MYH7B: variants seen among roughly 807,000 people sequenced by gnomAD.
MYH7B encodes the protein myosin heavy chain 7B.
Under a neutral mutation model 234.5 loss-of-function variants are expected in MYH7B, and 205 were observed. The observed-to-expected ratio is 0.87, with a 90% CI of 0.78 to 0.98. The LOEUF is 0.98. MYH7B is among the 50% of genes least tolerant of loss of function. The pLI is 0.00. For missense variants in MYH7B, 2,652 were observed against 2,633.4 expected (o/e 1.01, Z -0.15); for synonymous variants, 1,193 against 1,105.0 (o/e 1.08, Z -1.58).
intron 2 of MYH7B, among the ~76,000 whole-genome samples, chr20:34,963,571 A>T (rs2081717189): frequency 1.3e-5 from 2 of 152,190 alleles, no homozygotes; most frequent in Admixed American, 1.3e-4. Context: ...TGAAGCACAT[A>T]TTTTAAAATT....
Position 34,972,949 on chromosome 20 carries a change from A to AT in MYH7B, c.-221-2444dup, listed in dbSNP as rs534368229. On this transcript the variant is annotated intron_variant, in intron 2 of 44. Transcript: ENST00000262873. ...ATCATGCCTGGTTAATTTTAAAAATATTTTTTTGTAGAGATGTCACAGGGA... is the reference window on the plus strand; with the variant it reads ...ATCATGCCTGGTTAATTTTAAAAATATTTTTTTTGTAGAGATGTCACAGGGA... Among the ~76,000 whole-genome samples the AT allele has an allele frequency of 9.8e-5, 15 of 152,292 alleles. No homozygotes were observed. In the East Asian group the frequency reaches 2.7e-3, roughly 27 times the overall value.
At chr20:34,980,157 G>GT (rs2081921297) in intron 7 of MYH7B, 1 of 377,118 alleles carries the variant, frequency 2.7e-6, no homozygotes, top group Non-Finnish European at 4.9e-6. Flanking sequence ...AGGGTGTGGT[G>GT]TGGCAAGTCA....
At position 35,000,506 on chromosome 20, in the gene MYH7B, C is replaced by T. The variant is rs148157021; in HGVS notation, c.4995C>T (p.Asp1665=). The T allele has an allele frequency of 6.4e-5, 102 of 1,596,890 alleles. No homozygotes were observed. The highest frequency in any genetic ancestry group is 2.5e-4 in the East Asian group (11 of 44,702). The change falls in exon 39 of 45, where the codon GAC becomes GAT. Residue 1665 remains aspartate (D), a synonymous_variant. Coordinates refer to ENST00000262873, the Ensembl canonical transcript of MYH7B. ...TCAAGGAGGAGCAGGCAGGGCGGGA[C>T]GAGGAGCAGCGGCTGGCAGCTGAGC...
intron 19 of MYH7B, among the ~76,000 whole-genome samples, chr20:34,988,544 C>G (rs553423123): frequency 3.5e-4 from 53 of 152,182 alleles, no homozygotes; most frequent in Non-Finnish European, 2.9e-5. Context: ...GACAACAGCT[C>G]CTCCTGGGTG....
intron 1 of MYH7B, among the ~76,000 whole-genome samples, chr20:34,957,111 T>C (rs2081645520): frequency 6.6e-6 from 1 of 152,150 alleles, no homozygotes; most frequent in Non-Finnish European, 1.5e-5. Flanking sequence ...TCGGCTTGTT[T>C]TACAGACACT....
intron 16 of MYH7B, 96 bp from the exon 17 acceptor site, chr20:34,987,461 T>C (rs1341994787): frequency 7.0e-7 from 1 of 1,421,280 alleles, no homozygotes; most frequent in African/African-American, 1.4e-5. Flanking sequence ...ACTTGACCCC[T>C]CTTAACTTCC....
At chr20:34,965,405 G>A (rs954483801) in intron 2 of MYH7B, among the ~76,000 whole-genome samples, 5 of 152,220 alleles carry the variant, frequency 3.3e-5, no homozygotes, top group African/African-American at 4.8e-5. Flanking sequence ...GCCTGAGGGC[G>A]CAGCAGGGAG....
exon 27 of MYH7B, chr20:34,994,167 G>C (rs1306142698): frequency 3.7e-6 from 6 of 1,613,366 alleles, no homozygotes; most frequent in Non-Finnish European, 5.1e-6. Flanking sequence ...TCACCATCCA[G>C]TGGAACATCC....
chr20:34,990,472 C>T (rs763353252), intron 22 of MYH7B, 162 bp downstream of exon 22: 1 of 942,336 alleles, frequency 1.1e-6, no homozygotes, highest in Non-Finnish European at 1.8e-6. Context: ...GTGCTGCTTC[C>T]CGTCCCTACG....
intron 38 of MYH7B, 33 bp from the exon 39 acceptor site, chr20:35,000,260 G>A (rs370410658): frequency 6.2e-5 from 95 of 1,539,462 alleles, no homozygotes; most frequent in Admixed American, 1.3e-4. Context: ...ATGCCCTTAC[G>A]AGACCCCCTT....
In MYH7B at chr20:34,990,023, A is replaced by G. The variant is rs753584006; in HGVS notation, c.1777A>G (p.Ser593Gly). 3 of 1,614,056 alleles carry G rather than the reference A, an allele frequency of 1.9e-6. No individual in the cohort carries two copies. In the South Asian group the frequency reaches 3.3e-5, roughly 18 times the overall value. ...TGACTTGTCTCTCCAGGTGCCTTAC[A>G]GCATTGTGGGCTGGCTGGAGAAAAA... The change falls in exon 21 of 45, where the codon AGC (serine) becomes GGC (glycine). Residue 593 changes from serine (S) to glycine (G), a missense_variant. By Grantham distance (56) the Ser-to-Gly change is moderately conservative. Around this residue, in one of 3 missense-constraint regions of MYH7B, gnomAD observed 2,279 missense variants for 2,211.4 expected, o/e 1.03. Coordinates refer to ENST00000262873, the Ensembl canonical transcript of MYH7B.
At chr20:34,974,552 C>A (rs1213677031) in intron 2 of MYH7B, among the ~76,000 whole-genome samples, 1 of 152,112 alleles carries the variant, frequency 6.6e-6, no homozygotes, top group African/African-American at 2.4e-5. Context: ...TTCTCAGCCC[C>A]AGGTTCATAC....
exon 36 of MYH7B, chr20:34,999,273 A>G (rs2082323177): frequency 6.3e-7 from 1 of 1,596,382 alleles, no homozygotes; most frequent in African/African-American, 1.3e-5. Context: ...GGAGGAGGAG[A>G]TGCAGCGGGA....
At position 34,993,470 on chromosome 20, in the gene MYH7B, G is replaced by C. The variant is rs746389682; in HGVS notation, c.2444G>C (p.Arg815Thr). 4 of 1,592,662 alleles carry C rather than the reference G, an allele frequency of 2.5e-6. No homozygotes were observed. The South Asian group carries it at 3.4e-5, about 13-fold the overall frequency. The change falls in exon 26 of 45, where the codon AGG (arginine) becomes ACG (threonine). Residue 815 changes from arginine (R) to threonine (T), a missense_variant and splice_region_variant. By Grantham distance (71) the Arg-to-Thr change is moderately conservative. Coordinates refer to ENST00000262873, the Ensembl canonical transcript of MYH7B. The stretch of plus-strand genomic sequence containing the variant: ...GAGTACCAGCGCCTGCTGGGAGGCA[G>C]GTGGGTGTGGGAAGGAGGCTGGGGA...
exon 41 of MYH7B, chr20:35,001,087 G>T (rs746174687): frequency 6.2e-7 from 1 of 1,613,806 alleles, no homozygotes. Flanking sequence ...CGAGCTCCAG[G>T]CCCGCCTTGA....
chr20:34,963,549 G>A (rs1332527410), intron 2 of MYH7B, among the ~76,000 whole-genome samples: 1 of 152,100 alleles, frequency 6.6e-6, no homozygotes, highest in African/African-American at 2.4e-5. Context: ...TCTGTTTTTC[G>A]ATAGTATCTT....
At chr20:34,960,329 G>A (rs753474296) in intron 2 of MYH7B, among the ~76,000 whole-genome samples, 50 of 152,096 alleles carry the variant, frequency 3.3e-4, no homozygotes, top group Non-Finnish European at 1.3e-4. Flanking sequence ...TCCGCCTCCC[G>A]TGTTCATGCC....
intron 13 of MYH7B, 39 bp from the exon 14 acceptor site, chr20:34,986,061 A>C: frequency 1.3e-6 from 2 of 1,510,366 alleles, no homozygotes; most frequent in African/African-American, 2.8e-5. Context: ...CACTCTGGGG[A>C]GGTGTGGGAG....
chr20:34,999,750 T>TTGGGCC, intron 37 of MYH7B, 41 bp from the exon 38 acceptor site: 1 of 1,320,532 alleles, frequency 7.6e-7, no homozygotes, highest in Non-Finnish European at 1.0e-6. Context: ...CCACTGGCCA[T>TTGGGCC]CCCCCCCCCC....
Sources: allele counts gnomAD v4.1 joint callset (sites outside exome capture counted in the v4.1 genomes callset), GRCh38; gene constraint gnomAD v4.1.1; regional missense constraint gnomAD v4.1.1; transcripts MANE v1.5; gene names NCBI Gene and HGNC (gene_info 2026-07-23, HGNC 2026-07-21).